TFAP2D: variants seen among roughly 807,000 people sequenced by gnomAD.
TFAP2D encodes the protein transcription factor AP-2-delta.
A neutral mutation model predicts 43.6 loss-of-function variants in TFAP2D; 9 were observed. That is an observed-to-expected ratio of 0.21 (90% CI 0.12 to 0.36). TFAP2D has a LOEUF of 0.36. Ranked by LOEUF, TFAP2D falls within the 10% of genes least tolerant of loss-of-function variation. The pLI, the probability that TFAP2D is intolerant of heterozygous loss-of-function variation, is 1.00. For missense variants in TFAP2D, 513 were observed against 561.4 expected, an observed-to-expected ratio of 0.91 and a Z score of 0.87; for synonymous variants, 256 against 224.9, an observed-to-expected ratio of 1.14 and a Z score of -1.24.
intron 6 of TFAP2D, among the ~76,000 whole-genome samples, chr6:50,750,499 T>C (rs1769185979): frequency 6.6e-6 from 1 of 151,998 alleles, no homozygotes; most frequent in Non-Finnish European, 1.5e-5. Flanking sequence ...TCTTTAGAAT[T>C]ATATCATTTG....
chr6:50,742,640 G>C (rs188575331), intron 5 of TFAP2D, among the ~76,000 whole-genome samples: 5 of 151,974 alleles, frequency 3.3e-5, no homozygotes, highest in Admixed American at 3.3e-4. Flanking sequence ...ATGATAGATA[G>C]ATAGACTCTG....
At chr6:50,752,830 A>C (rs1453125795) in intron 7 of TFAP2D, among the ~76,000 whole-genome samples, 1 of 151,868 alleles carries the variant, frequency 6.6e-6, no homozygotes, top group Non-Finnish European at 1.5e-5. Context: ...AAACCTTTTC[A>C]AATCCTTGTA....
At chr6:50,740,285 G>A (rs1769021920) in intron 5 of TFAP2D, among the ~76,000 whole-genome samples, 1 of 152,134 alleles carries the variant, frequency 6.6e-6, no homozygotes, top group African/African-American at 2.4e-5. Context: ...AGGCAATATT[G>A]TTAGAGTGAC....
chr6:50,749,897 A>G (rs114426927), intron 6 of TFAP2D, among the ~76,000 whole-genome samples: 1,717 of 151,892 alleles, frequency 0.011, 26 homozygotes, highest in African/African-American at 0.039. Context: ...GCAGATAAGG[A>G]CTTTGTTTTT....
intron 7 of TFAP2D, among the ~76,000 whole-genome samples, chr6:50,768,760 A>G (rs954180520): frequency 9.2e-5 from 14 of 152,228 alleles, no homozygotes; most frequent in African/African-American, 3.1e-4. Context: ...ATATGCAGGT[A>G]ATGTTAAATT....
rs192397391 is a variant in TFAP2D, at chr6:50,740,389, T to C, written c.884-4718T>C. The stretch of plus-strand genomic sequence containing the variant: ...TAATTTTTTAGTTGTGTAAAGTAAT[T>C]TTTTTAAAAAATACCATAATTTTAA... On this transcript the variant is annotated intron_variant, in intron 5 of 7. Coordinates refer to ENST00000008391, the MANE Select transcript of TFAP2D (RefSeq NM_172238.4). Among the ~76,000 whole-genome samples the C allele has an allele frequency of 3.3e-3, 500 of 152,214 alleles. 2 individuals carry two copies. The highest frequency in any genetic ancestry group is 4.8e-3 in the South Asian group (23 of 4,818).
chr6:50,713,999 T>TC lies in TFAP2D; in HGVS notation c.-54dup, dbSNP rs2065798937. 4 of 1,607,420 alleles carry TC rather than the reference T, an allele frequency of 2.5e-6. No individual in the cohort carries two copies. Among genetic ancestry groups the TC allele is most frequent in the African/African-American group, 2.7e-5 (2 of 74,332 alleles). On this transcript the variant is annotated 5_prime_UTR_variant, in exon 1 of 8. Coordinates refer to ENST00000008391, the MANE Select transcript of TFAP2D (RefSeq NM_172238.4). Reference sequence around the variant, plus strand: ...AATACAAGAAGTTTGGATTTTTTTTTCCCGATTCTTTTTTTGGAGGGGGAA... The same window carrying TC: ...AATACAAGAAGTTTGGATTTTTTTTTCCCCGATTCTTTTTTTGGAGGGGGAA...
intron 7 of TFAP2D, among the ~76,000 whole-genome samples, chr6:50,756,646 C>G (rs935174503): frequency 6.6e-6 from 1 of 151,988 alleles, no homozygotes; most frequent in Non-Finnish European, 1.5e-5. Context: ...TTGTTTCCAT[C>G]AAAATGACAG....
chr6:50,742,801 T>C (rs1769070640), intron 5 of TFAP2D, among the ~76,000 whole-genome samples: 1 of 152,124 alleles, frequency 6.6e-6, no homozygotes, highest in Non-Finnish European at 1.5e-5. Flanking sequence ...AAGGTCCACA[T>C]GAGTTTATCC....
chr6:50,742,850 T>A (rs887786669), intron 5 of TFAP2D, among the ~76,000 whole-genome samples: 5 of 151,852 alleles, frequency 3.3e-5, no homozygotes, highest in Non-Finnish European at 7.4e-5. Context: ...TGGGTCAAGG[T>A]TTAAAACATT....
intron 3 of TFAP2D, among the ~76,000 whole-genome samples, chr6:50,725,909 G>A (rs1024500894): frequency 2.6e-5 from 4 of 152,018 alleles, no homozygotes; most frequent in African/African-American, 7.2e-5. Flanking sequence ...GCAATGCCAG[G>A]TATCAAAGCA....
At chr6:50,767,551 T>C (rs925395802) in intron 7 of TFAP2D, among the ~76,000 whole-genome samples, 1 of 152,216 alleles carries the variant, frequency 6.6e-6, no homozygotes, top group Admixed American at 6.5e-5. Flanking sequence ...GAATTTTATT[T>C]AAGTCCTCTC....
intron 7 of TFAP2D, among the ~76,000 whole-genome samples, chr6:50,771,249 G>T (rs1157583634): frequency 4.6e-5 from 7 of 152,150 alleles, no homozygotes; most frequent in African/African-American, 9.7e-5. Flanking sequence ...AGATGAATAG[G>T]TTCCTTCTAA....
At chr6:50,771,190 G>T (rs191360765) in intron 7 of TFAP2D, among the ~76,000 whole-genome samples, 2 of 152,302 alleles carry the variant, frequency 1.3e-5, no homozygotes, top group East Asian at 3.9e-4. Flanking sequence ...TAAATGTTGG[G>T]TGGCTTACAT....
chr6:50,769,556 G>A (rs1330181893), intron 7 of TFAP2D, among the ~76,000 whole-genome samples: 1 of 152,192 alleles, frequency 6.6e-6, no homozygotes, highest in East Asian at 1.9e-4. Context: ...GATAATAAAA[G>A]CATTTATATA....
chr6:50,721,019 G>A (rs1561931407), intron 3 of TFAP2D, among the ~76,000 whole-genome samples: 1 of 152,182 alleles, frequency 6.6e-6, no homozygotes, highest in East Asian at 1.9e-4. Flanking sequence ...AATTTCTGGG[G>A]AGAGATTTAA....
intron 6 of TFAP2D, among the ~76,000 whole-genome samples, chr6:50,750,540 A>G (rs772280162): frequency 9.2e-5 from 14 of 152,078 alleles, no homozygotes; most frequent in Middle Eastern, 6.8e-3. Context: ...TTACTGTTAC[A>G]TTGTAACACT....
At chr6:50,748,109 G>A (rs528012648) in intron 6 of TFAP2D, among the ~76,000 whole-genome samples, 1 of 151,786 alleles carries the variant, frequency 6.6e-6, no homozygotes, top group African/African-American at 2.4e-5. Flanking sequence ...TGGACTATGT[G>A]AAATAAAAAT....
chr6:50,772,126 G>A (rs1217442924), intron 7 of TFAP2D, among the ~76,000 whole-genome samples: 1 of 151,974 alleles, frequency 6.6e-6, no homozygotes, highest in Non-Finnish European at 1.5e-5. Flanking sequence ...ATCATTCTGA[G>A]CAAACTATCG....
Sources: allele counts gnomAD v4.1 joint callset (sites outside exome capture counted in the v4.1 genomes callset), GRCh38; gene constraint gnomAD v4.1.1; transcripts MANE v1.5; gene names NCBI Gene and HGNC (gene_info 2026-07-23, HGNC 2026-07-21).